Variants in UBAP2 observed in about 807,000 individuals in gnomAD.
UBAP2 encodes the protein ubiquitin-associated protein 2.
Under a neutral mutation model 139.6 loss-of-function variants are expected in UBAP2, and 75 were observed. That is an observed-to-expected ratio of 0.54 (90% CI 0.45 to 0.65). The LOEUF is 0.65. Among genes scored for constraint, UBAP2 ranks in the 30% least tolerant of loss-of-function variants. The probability of loss-of-function intolerance (pLI) is 0.00; values close to 1 mark genes in which losing one functional copy is unlikely to be tolerated. For synonymous variants in UBAP2, 526 were observed against 526.2 expected (o/e 1.00, Z 0.01); for missense variants, 1,368 against 1,369.6 (o/e 1.00, Z 0.02).
intron 2 of UBAP2, among the ~76,000 whole-genome samples, chr9:34,009,404 G>A (rs984723097): frequency 2.0e-4 from 31 of 151,824 alleles, no homozygotes; most frequent in African/African-American, 6.5e-4. Context: ...TGGCCAAAAA[G>A]GTTTTTTTCT....
At chr9:34,016,240 G>A (rs535433203) in intron 2 of UBAP2, among the ~76,000 whole-genome samples, 1 of 55,412 alleles carries the variant, frequency 1.8e-5, no homozygotes, top group East Asian at 6.7e-4. Context: ...AGAGGAAGGG[G>A]AGGAAGAGGA....
At chr9:33,997,671 A>T (rs1420075120) in intron 3 of UBAP2, 1 of 152,258 alleles carries the variant, frequency 6.6e-6, no homozygotes, top group Non-Finnish European at 1.5e-5. Flanking sequence ...CACAGTCAAC[A>T]TCAAAATTTC....
chr9:33,942,038 G>C (rs1021020201), intron 15 of UBAP2, among the ~76,000 whole-genome samples, 176 bp from the exon 16 acceptor site: 1 of 152,138 alleles, frequency 6.6e-6, no homozygotes, highest in Non-Finnish European at 1.5e-5. Flanking sequence ...CTTAGGCTGC[G>C]TGCGGTGGCT....
At chr9:33,975,351 G>A (rs1419316967) in intron 6 of UBAP2, among the ~76,000 whole-genome samples, 1 of 150,750 alleles carries the variant, frequency 6.6e-6, no homozygotes, top group Non-Finnish European at 1.5e-5. Context: ...AGAAATGCTG[G>A]AACCCGGGAG....
At chr9:33,969,713 A>G (rs1261295831) in intron 8 of UBAP2, among the ~76,000 whole-genome samples, 1 of 149,366 alleles carries the variant, frequency 6.7e-6, no homozygotes. Context: ...AAAATACGAA[A>G]AAGTTAGCCA....
intron 1 of UBAP2, among the ~76,000 whole-genome samples, chr9:34,034,096 T>A (rs1826123555): frequency 6.6e-6 from 1 of 152,162 alleles, no homozygotes. Context: ...TATTCACATC[T>A]CTGCAGGAAC....
At chr9:34,046,643 C>CAAAAAAAA (rs59971755) in intron 1 of UBAP2, among the ~76,000 whole-genome samples, 1 of 122,342 alleles carries the variant, frequency 8.2e-6, no homozygotes, top group Non-Finnish European at 1.7e-5. Flanking sequence ...GACTCCATCT[C>CAAAAAAAA]AAAAAAAAAA....
At chr9:33,993,431 G>C (rs1277210994) in intron 4 of UBAP2, among the ~76,000 whole-genome samples, 1 of 152,198 alleles carries the variant, frequency 6.6e-6, no homozygotes, top group African/African-American at 2.4e-5. Flanking sequence ...ATGTACCAGA[G>C]AGTGGTCCTC....
chr9:34,011,746 C>T, intron 2 of UBAP2: 1 of 644,602 alleles, frequency 1.6e-6, no homozygotes, highest in Non-Finnish European at 1.9e-6. Context: ...CTGCAATAAA[C>T]ATTAGTGACA....
chr9:33,991,657 AAAC>A (rs1471004915), intron 4 of UBAP2, among the ~76,000 whole-genome samples: 5 of 152,212 alleles, frequency 3.3e-5, no homozygotes, highest in Non-Finnish European at 7.3e-5. Flanking sequence ...TTTTCTAATT[AAAC>A]AATAAAGCTT....
chr9:33,923,506 G>C, intron 24 of UBAP2, 28 bp from the exon 25 acceptor site: 1 of 1,609,940 alleles, frequency 6.2e-7, no homozygotes, highest in Non-Finnish European at 8.5e-7. Context: ...TGAGGTATTA[G>C]TGTAGGAAGA....
At chr9:33,935,514 G>A (rs1824417956) in intron 17 of UBAP2, 1 of 323,968 alleles carries the variant, frequency 3.1e-6, no homozygotes, top group South Asian at 3.8e-5. Flanking sequence ...CAATCTGCCT[G>A]CCTTGGCCCC....
chr9:33,940,622 T>C (rs1235117523), intron 16 of UBAP2, among the ~76,000 whole-genome samples: 1 of 152,082 alleles, frequency 6.6e-6, no homozygotes, highest in Non-Finnish European at 1.5e-5. Context: ...CTAAACAAAA[T>C]ACAAAAGTCA....
In UBAP2 at chr9:33,935,670, T is replaced by G. The variant is rs1461316956; in HGVS notation, c.1969+169A>C. 5.5e-6 allele frequency: 4 copies of G among 727,368 alleles called. No individual in the cohort carries two copies. The East Asian group carries it at 1.1e-4, about 19-fold the overall frequency. The allele number at this position is 727,368 out of a possible 1,614,324, so 45.1% of individuals were successfully genotyped here. A position where few individuals can be genotyped will look rare whatever the true frequency, so the allele number is the denominator to read the frequency against. ...CTCCTTCTTGCTGTGGTTAAGACAT[T>G]TCTAATAACACCACAGCCAACACCT... On this transcript the variant is annotated intron_variant, in intron 17 of 28. Transcript: ENST00000379238.
intron 12 of UBAP2, among the ~76,000 whole-genome samples, chr9:33,952,304 A>G (rs1248536751): frequency 1.3e-5 from 2 of 152,224 alleles, no homozygotes; most frequent in Non-Finnish European, 2.9e-5. Context: ...ACATTCTTGT[A>G]TAAGCTATGA....
intron 2 of UBAP2, among the ~76,000 whole-genome samples, chr9:34,003,141 T>A (rs1167798129): frequency 6.6e-6 from 1 of 151,568 alleles, no homozygotes; most frequent in Admixed American, 6.6e-5. Context: ...AACCTCCGCC[T>A]CTTAGGTTCA....
intron 1 of UBAP2, among the ~76,000 whole-genome samples, chr9:34,035,514 A>AAAAAAATATATATATATAT: frequency 4.4e-5 from 1 of 22,490 alleles, no homozygotes; most frequent in Non-Finnish European, 9.8e-5. Context: ...AAAAAAAAAA[A>AAAAAAATATATATATATAT]ATATATATAT....
chr9:33,928,150 T>C (rs1823639916), intron 19 of UBAP2, 158 bp from the exon 20 acceptor site: 2 of 691,134 alleles, frequency 2.9e-6, no homozygotes, highest in Admixed American at 3.1e-5. Context: ...CTGTGCTCAG[T>C]GCTCACTGCG....
intron 1 of UBAP2, among the ~76,000 whole-genome samples, chr9:34,029,983 T>C (rs1241555526): frequency 7.2e-6 from 1 of 138,814 alleles, no homozygotes; most frequent in Admixed American, 7.5e-5. Flanking sequence ...CAAGACTCCA[T>C]CTCGAAAAAA....
Sources: allele counts gnomAD v4.1 joint callset (sites outside exome capture counted in the v4.1 genomes callset), GRCh38; gene constraint gnomAD v4.1.1; transcripts MANE v1.5; gene names NCBI Gene and HGNC (gene_info 2026-07-23, HGNC 2026-07-21).